EYS: variants seen among roughly 807,000 people sequenced by gnomAD.
The protein encoded by EYS is protein eyes shut homolog.
In EYS, 250 loss-of-function variants were observed where a neutral mutation model predicts 282.1. That is an observed-to-expected ratio of 0.89 (90% CI 0.80 to 0.98). The LOEUF (loss-of-function observed/expected upper bound fraction) is 0.98. Ranked by LOEUF, EYS falls within the 50% of genes least tolerant of loss-of-function variation. The pLI is 0.00. For missense variants in EYS, 4,016 were observed against 3,709.0 expected, an observed-to-expected ratio of 1.08 and a Z score of -2.15; for synonymous variants, 1,355 against 1,282.9, an observed-to-expected ratio of 1.06 and a Z score of -1.20.
chr6:65,408,481 A>G (rs1322052716), intron 5 of EYS, among the ~76,000 whole-genome samples: 1 of 152,012 alleles, frequency 6.6e-6, no homozygotes, highest in Non-Finnish European at 1.5e-5. Flanking sequence ...GAATTTATTC[A>G]TTTCCTCTAA....
chr6:65,035,736 A>G (rs1280449745), intron 13 of EYS, among the ~76,000 whole-genome samples: 3 of 151,866 alleles, frequency 2.0e-5, no homozygotes, highest in Non-Finnish European at 2.9e-5. Context: ...AATCGTTGTT[A>G]AAATGGCCAT....
intron 18 of EYS, among the ~76,000 whole-genome samples, chr6:64,892,918 C>T (rs118143293): frequency 6.6e-6 from 1 of 152,158 alleles, no homozygotes; most frequent in East Asian, 1.9e-4. Flanking sequence ...ATTGCTAAAC[C>T]CGTGAACATC....
chr6:65,103,255 G>C (rs911333362), intron 12 of EYS, among the ~76,000 whole-genome samples: 2 of 151,360 alleles, frequency 1.3e-5, no homozygotes, highest in Non-Finnish European at 3.0e-5. Context: ...ATGATCAGAG[G>C]TGTTAAAATA....
chr6:64,394,976 T>C (rs1370077791), intron 28 of EYS, among the ~76,000 whole-genome samples: 3 of 152,262 alleles, frequency 2.0e-5, no homozygotes, highest in Admixed American at 6.5e-5. Context: ...GCGAAGGATA[T>C]GAACAGACAC....
At chr6:65,150,561 C>T (rs981345324) in intron 12 of EYS, among the ~76,000 whole-genome samples, 29 of 151,722 alleles carry the variant, frequency 1.9e-4, no homozygotes, top group African/African-American at 5.8e-4. Context: ...ATTTCTTTTC[C>T]TTCACTTACA....
In EYS at chr6:64,151,362, T is replaced by TATATAA. The variant is rs1491484712; in HGVS notation, c.6425-69361_6425-69360insTTATAT. On this transcript the variant is annotated intron_variant, in intron 31 of 42. Coordinates refer to ENST00000503581, the MANE Select transcript of EYS (RefSeq NM_001142800.2). ...ATATATATATATATATATATATATA[T>TATATAA]AATTTTTTTTTTCTTTTGAGATGGA... Among the ~76,000 whole-genome samples, 8 of 108,800 alleles carry TATATAA rather than the reference T, an allele frequency of 7.4e-5. No homozygotes were observed. The East Asian group carries it at 1.5e-3, about 21-fold the overall frequency. 71.4% of individuals were successfully genotyped at this position (108,800 alleles called of 152,430 possible).
At chr6:64,346,684 C>G (rs1771414123) in intron 29 of EYS, among the ~76,000 whole-genome samples, 1 of 151,388 alleles carries the variant, frequency 6.6e-6, no homozygotes, top group Admixed American at 6.6e-5. Context: ...CGCATGTACC[C>G]TAAAACTTAA....
At chr6:65,306,344 G>C (rs2150295117) in intron 11 of EYS, among the ~76,000 whole-genome samples, 1 of 152,206 alleles carries the variant, frequency 6.6e-6, no homozygotes, top group Admixed American at 6.5e-5. Context: ...GGATGATTCT[G>C]CACAAGCAAA....
At chr6:65,700,092 G>A (rs1280068050) in intron 1 of EYS, among the ~76,000 whole-genome samples, 2 of 132,380 alleles carry the variant, frequency 1.5e-5, no homozygotes, top group Non-Finnish European at 1.5e-5. Context: ...TCCAGGCTGG[G>A]TGACAGAGCG....
intron 5 of EYS, among the ~76,000 whole-genome samples, chr6:65,472,761 T>C (rs17696888): frequency 6.6e-6 from 1 of 151,996 alleles, no homozygotes; most frequent in Admixed American, 6.5e-5. Flanking sequence ...TTTATGTATT[T>C]AGGCATATTT....
chr6:65,134,270 A>G (rs1220342542), intron 12 of EYS, among the ~76,000 whole-genome samples: 1 of 152,054 alleles, frequency 6.6e-6, no homozygotes. Flanking sequence ...AACATAAATC[A>G]TACTACCATA....
chr6:65,532,568 G>T (rs7760449), intron 2 of EYS, among the ~76,000 whole-genome samples: 2,285 of 152,080 alleles, frequency 0.015, 54 homozygotes, highest in African/African-American at 0.051. Context: ...TATCAAGCTA[G>T]GTATAAAAAT....
intron 5 of EYS, among the ~76,000 whole-genome samples, chr6:65,440,893 T>TTATATATTATATATTTATATTATA (rs1768293135): frequency 6.8e-6 from 1 of 147,158 alleles, no homozygotes; most frequent in Non-Finnish European, 1.5e-5. Flanking sequence ...TTATATATGT[T>TTATATATTATATATTTATATTATA]TATGTATAAT....
chr6:64,696,491 A>C (rs568808890), intron 22 of EYS, among the ~76,000 whole-genome samples: 1 of 152,270 alleles, frequency 6.6e-6, no homozygotes, highest in African/African-American at 2.4e-5. Context: ...TCCAGATACA[A>C]GAGTCCCCCA....
intron 34 of EYS, among the ~76,000 whole-genome samples, chr6:63,993,542 C>T (rs1047883298): frequency 2.0e-5 from 3 of 151,384 alleles, no homozygotes; most frequent in South Asian, 4.2e-4. Flanking sequence ...TTAACTATCA[C>T]AAATAAGAAA....
chr6:64,313,716 C>T (rs1199927502), intron 29 of EYS, among the ~76,000 whole-genome samples: 3 of 152,102 alleles, frequency 2.0e-5, no homozygotes, highest in African/African-American at 7.2e-5. Context: ...CAATATTCAA[C>T]ATTCTTAAAG....
intron 30 of EYS, among the ~76,000 whole-genome samples, chr6:64,232,849 AT>A (rs1243065805): frequency 6.6e-6 from 1 of 152,238 alleles, no homozygotes; most frequent in Non-Finnish European, 1.5e-5. Context: ...ATATTGCTCT[AT>A]CAGAAAATTA....
intron 35 of EYS, among the ~76,000 whole-genome samples, chr6:63,973,896 T>C (rs1441718157): frequency 1.3e-5 from 2 of 152,136 alleles, no homozygotes; most frequent in African/African-American, 4.8e-5. Context: ...ATTTTTACTT[T>C]ATTTTTCTAG....
At chr6:64,743,638 CTT>C (rs1481174120) in intron 22 of EYS, among the ~76,000 whole-genome samples, 2 of 152,024 alleles carry the variant, frequency 1.3e-5, no homozygotes, top group Non-Finnish European at 2.9e-5. Flanking sequence ...ATGGAAATAA[CTT>C]AGGATATTTG....
Sources: gnomAD v4.1 joint callset for allele counts (sites outside exome capture counted in the v4.1 genomes callset) on GRCh38, gnomAD v4.1.1 for gene constraint, MANE v1.5 for transcripts, NCBI Gene and HGNC (gene_info 2026-07-23, HGNC 2026-07-21) for gene names.